Variants in TSHR observed in about 807,000 individuals in gnomAD.
TSHR encodes the protein thyrotropin receptor.
In TSHR, 51 loss-of-function variants were observed where a neutral mutation model predicts 64.1. That is an observed-to-expected ratio of 0.80 (90% CI 0.64 to 1.01). The LOEUF is 1.01. TSHR is among the 50% of genes least tolerant of loss of function. TSHR has a pLI of 0.00. For missense variants in TSHR, 877 were observed against 942.8 expected, an observed-to-expected ratio of 0.93 and a Z score of 0.91; for synonymous variants, 361 against 361.9, an observed-to-expected ratio of 1.00 and a Z score of 0.03.
At chr14:81,014,411 G>T (rs946976297) in intron 1 of TSHR, 1 of 152,128 alleles carries the variant, frequency 6.6e-6, no homozygotes, top group Non-Finnish European at 1.5e-5. Context: ...GTATCTAGGG[G>T]ATATAAAAGA....
rs538633702 is a variant in TSHR at position 81,051,127 on chromosome 14, A to G, written c.171-11021A>G. On this transcript the variant is annotated intron_variant, in intron 1 of 9. Coordinates refer to ENST00000298171, the MANE Select transcript of TSHR (RefSeq NM_000369.5). ...TTCTAAATTTCTTTGTTGTCATTTA[A>G]ACAATACGCACAGCATCTTCACCTG... is the stretch of plus-strand genomic sequence containing the variant. 2.9e-4 allele frequency: 45 copies of G among 154,220 alleles called. No homozygotes were observed. In the Middle Eastern group the frequency reaches 0.016, roughly 55 times the overall value. 9.6% of individuals were successfully genotyped at this position (154,220 alleles called of 1,614,324 possible).
chr14:81,094,099 A>G (rs1237878910), intron 6 of TSHR: 3 of 152,220 alleles, frequency 2.0e-5, no homozygotes, highest in Non-Finnish European at 4.4e-5. Context: ...TGGATTATTC[A>G]TGATCTTTTC....
intron 3 of TSHR, 46 bp downstream of exon 3, chr14:81,068,374 C>A (rs2139910841): frequency 1.3e-6 from 2 of 1,576,634 alleles, no homozygotes; most frequent in Non-Finnish European, 1.7e-6. Context: ...CACAACCACT[C>A]TTGACTGATA....
intron 1 of TSHR, chr14:80,991,962 G>C (rs930912049): frequency 1.0e-4 from 20 of 194,002 alleles, no homozygotes; most frequent in African/African-American, 3.7e-4. Flanking sequence ...AGGATAAAAG[G>C]TGCTTTTCAT....
chr14:81,144,323 C>T lies in TSHR; in HGVS notation c.2265C>T (p.Ile755=). 1 of 1,614,208 alleles carries T rather than the reference C, an allele frequency of 6.2e-7. No individual in the cohort carries two copies. The change falls in exon 10 of 10, where the codon ATC becomes ATT. Residue 755 remains isoleucine (I), a synonymous_variant. Transcript: ENST00000298171. Reference sequence around the variant, plus strand: ...TAACCCCAAAGAAGCAAGGCCAAATCTCAGAAGAGTATATGCAAACGGTTT... The same window carrying T: ...TAACCCCAAAGAAGCAAGGCCAAATTTCAGAAGAGTATATGCAAACGGTTT... ...SHLTPKKQGQ[I]SEEYMQTVL is the part of the protein sequence containing the mutation.
At chr14:80,976,505 T>G (rs1377269631) in intron 1 of TSHR, among the ~76,000 whole-genome samples, 1 of 152,232 alleles carries the variant, frequency 6.6e-6, no homozygotes, top group African/African-American at 2.4e-5. Context: ...AAGCCTTCAT[T>G]TTTGAGGGCC....
At chr14:81,039,354 C>T (rs1341413233) in intron 1 of TSHR, among the ~76,000 whole-genome samples, 6 of 151,772 alleles carry the variant, frequency 4.0e-5, no homozygotes, top group Non-Finnish European at 1.5e-5. Context: ...ATGATAAAGG[C>T]CAAATATGAT....
chr14:81,143,639 G>T lies in TSHR; in HGVS notation c.1581G>T (p.Met527Ile). ...LERWYAITFA[M>I]RLDRKIRLRH... is the part of the protein sequence containing the mutation. The stretch of plus-strand genomic sequence containing the variant: ...GCTGGTATGCCATCACCTTCGCCAT[G>T]CGCCTGGACCGGAAGATCCGCCTCA... The change falls in exon 10 of 10, where the codon ATG (methionine) becomes ATT (isoleucine). Residue 527 changes from methionine (M) to isoleucine (I), a missense_variant. Transcript: ENST00000298171. 1 of 1,613,974 alleles carries T rather than the reference G, an allele frequency of 6.2e-7. No individual in the cohort carries two copies. Among genetic ancestry groups the T allele is most frequent in the Admixed American group, 1.7e-5 (1 of 60,006 alleles).
chr14:81,036,710 G>A (rs527237214), intron 1 of TSHR, among the ~76,000 whole-genome samples: 1 of 152,260 alleles, frequency 6.6e-6, no homozygotes, highest in South Asian at 2.1e-4. Flanking sequence ...CTCCATTACT[G>A]TAGTGGTGGT....
At chr14:81,114,873 C>G (rs1281707415) in intron 8 of TSHR, among the ~76,000 whole-genome samples, 2 of 152,230 alleles carry the variant, frequency 1.3e-5, no homozygotes, top group African/African-American at 2.4e-5. Flanking sequence ...TCCCTGACCC[C>G]TGACCCCCGA....
At chr14:81,124,430 A>G (rs1359823490) in intron 8 of TSHR, among the ~76,000 whole-genome samples, 1 of 152,138 alleles carries the variant, frequency 6.6e-6, no homozygotes, top group East Asian at 1.9e-4. Context: ...CAATTCGACA[A>G]AACTATATTA....
At chr14:80,959,021 C>T (rs1029325269) in intron 1 of TSHR, among the ~76,000 whole-genome samples, 1 of 152,182 alleles carries the variant, frequency 6.6e-6, no homozygotes, top group African/African-American at 2.4e-5. Context: ...TTATCTTCTA[C>T]TCATAGATTA....
In TSHR at chr14:81,144,510, A is replaced by T; in HGVS notation, c.*157A>T. 1 of 778,550 alleles carries T rather than the reference A, an allele frequency of 1.3e-6. No homozygotes were observed. Among genetic ancestry groups the T allele is most frequent in the East Asian group, 2.7e-5 (1 of 37,604 alleles). The allele number at this position is 778,550 out of a possible 1,614,324, so 48.2% of individuals were successfully genotyped here. On this transcript the variant is annotated 3_prime_UTR_variant, in exon 10 of 10. Coordinates refer to ENST00000298171, the MANE Select transcript of TSHR (RefSeq NM_000369.5). ...ATGGGGCAAGAGTTTATCTCTGGAG[A>T]GTGATTAGTATTAACCTAATCATTG...
At chr14:81,033,887 G>A (rs562994844) in intron 1 of TSHR, among the ~76,000 whole-genome samples, 7 of 152,284 alleles carry the variant, frequency 4.6e-5, no homozygotes, top group African/African-American at 1.7e-4. Flanking sequence ...TTCTTATAGT[G>A]GTGATCTTGT....
At chr14:81,050,474 T>C (rs1252956582) in intron 1 of TSHR, 1 of 152,180 alleles carries the variant, frequency 6.6e-6, no homozygotes, top group African/African-American at 2.4e-5. Flanking sequence ...ATCACGAATA[T>C]TCAGACCCAT....
At chr14:81,142,820 G>C in intron 9 of TSHR, 120 bp from the exon 10 acceptor site, 2 of 835,092 alleles carry the variant, frequency 2.4e-6, no homozygotes, top group Non-Finnish European at 4.1e-6. Flanking sequence ...ATGTTGCCCA[G>C]GCTGGTCTCA....
chr14:80,986,031 T>A lies in TSHR; in HGVS notation c.170+30181T>A, dbSNP rs1888430649. 1.3e-5 allele frequency among the ~76,000 whole-genome samples: 2 copies of A among 152,240 alleles called. 1 individual carries two copies. The highest frequency in any genetic ancestry group is 4.1e-4 in the South Asian group (2 of 4,830). On this transcript the variant is annotated intron_variant, in intron 1 of 9. Transcript: ENST00000298171. ...GCTGGCGATTCCTTCCCCATGATCA[T>A]CTTTCTACTTCTTGAGCATTCACAG... is the stretch of plus-strand genomic sequence containing the variant.
chr14:81,070,845 G>C (rs1262002705), intron 3 of TSHR, among the ~76,000 whole-genome samples: 2 of 151,894 alleles, frequency 1.3e-5, no homozygotes, highest in Admixed American at 1.3e-4. Flanking sequence ...CAAAAATTGA[G>C]AGAATTTATT....
At chr14:81,104,854 C>G (rs1319971093) in intron 7 of TSHR, 2 of 985,230 alleles carry the variant, frequency 2.0e-6, no homozygotes, top group Non-Finnish European at 2.4e-6. Context: ...AACAGGTTCT[C>G]AAAGAGGAAT....
Sources: gnomAD v4.1 joint callset for allele counts (sites outside exome capture counted in the v4.1 genomes callset) on GRCh38, gnomAD v4.1.1 for gene constraint, MANE v1.5 for transcripts, NCBI Gene and HGNC (gene_info 2026-07-23, HGNC 2026-07-21) for gene names.